Variants in CHSY3 observed in about 807,000 individuals in gnomAD.
CHSY3 encodes chondroitin sulfate synthase 3, also known as N-acetylgalactosaminyl-proteoglycan 3-beta-glucuronosyltransferase 3.
A neutral mutation model predicts 67.2 loss-of-function variants in CHSY3; 35 were observed. The ratio of observed to expected loss-of-function variants is 0.52; its 90% CI spans 0.40 to 0.69. The LOEUF (loss-of-function observed/expected upper bound fraction) is 0.69. CHSY3 is among the 30% of genes least tolerant of loss of function. The pLI is 0.00. For synonymous variants in CHSY3, 474 were observed against 434.7 expected (o/e 1.09, Z -1.12); for missense variants, 1,069 against 1,138.5 (o/e 0.94, Z 0.88).
At chr5:130,026,987 T>G (rs545992401) in intron 2 of CHSY3, among the ~76,000 whole-genome samples, 80 of 152,306 alleles carry the variant, frequency 5.3e-4, no homozygotes, top group African/African-American at 1.9e-3. Context: ...TGTCTTTTCC[T>G]GTGTTTACAG....
At chr5:130,170,399 A>G (rs918670537) in intron 2 of CHSY3, among the ~76,000 whole-genome samples, 6 of 152,088 alleles carry the variant, frequency 3.9e-5, no homozygotes, top group Admixed American at 2.6e-4. Context: ...ATGGACACTT[A>G]GGTTGATTCC....
chr5:130,118,722 G>A lies in CHSY3; in HGVS notation c.1087-65507G>A, dbSNP rs556383851. Among the ~76,000 whole-genome samples, 5 of 151,994 alleles carry A rather than the reference G, an allele frequency of 3.3e-5. No homozygotes were observed. In the East Asian group the frequency reaches 7.8e-4, roughly 24 times the overall value. The stretch of plus-strand genomic sequence containing the variant: ...AAGAATTTTGTCTTTTCTTTTAATG[G>A]AGGTGAAATTTTCTTCCTTAGATTA... On this transcript the variant is annotated intron_variant, in intron 2 of 2. Coordinates refer to ENST00000305031, the MANE Select transcript of CHSY3 (RefSeq NM_175856.5).
chr5:130,033,706 T>C (rs1764769186), intron 2 of CHSY3, among the ~76,000 whole-genome samples: 1 of 152,138 alleles, frequency 6.6e-6, no homozygotes, highest in Non-Finnish European at 1.5e-5. Context: ...AGAGTTTTTG[T>C]GCCTAGGCTG....
At chr5:130,121,508 G>A (rs1768022701) in intron 2 of CHSY3, among the ~76,000 whole-genome samples, 1 of 152,140 alleles carries the variant, frequency 6.6e-6, no homozygotes, top group African/African-American at 2.4e-5. Flanking sequence ...TTCTCCTGGA[G>A]CTTCCTTGTA....
chr5:130,034,385 A>AT (rs955616169), intron 2 of CHSY3, among the ~76,000 whole-genome samples: 1 of 152,144 alleles, frequency 6.6e-6, no homozygotes, highest in African/African-American at 2.4e-5. Flanking sequence ...ACAACTTCAC[A>AT]TTTTTAAAAA....
In CHSY3 at chr5:129,924,224, T is replaced by A. The variant is rs139155592; in HGVS notation, c.1086+15864T>A. Among the ~76,000 whole-genome samples the A allele has an allele frequency of 1.1e-4, 17 of 152,188 alleles. 1 individual carries two copies. Among genetic ancestry groups the A allele is most frequent in the Admixed American group, 1.1e-3 (17 of 15,294 alleles). ...CTTCCCCCAACCCCCTACTAACCACTCTTTTTTATATTTCCATAGTTTCTC... is the reference window on the plus strand; with the variant it reads ...CTTCCCCCAACCCCCTACTAACCACACTTTTTTATATTTCCATAGTTTCTC... On this transcript the variant is annotated intron_variant, in intron 2 of 2. Coordinates refer to ENST00000305031, the MANE Select transcript of CHSY3 (RefSeq NM_175856.5).
chr5:130,160,899 T>A (rs10477714), intron 2 of CHSY3, among the ~76,000 whole-genome samples: 121,968 of 144,498 alleles, frequency 0.84, 50,867 homozygotes, highest in Middle Eastern at 0.93. Flanking sequence ...TTATTTATTT[T>A]TTTTTTTTTA....
upstream of CHSY3, among the ~76,000 whole-genome samples, chr5:129,904,151 G>C (rs963516836): frequency 2.0e-4 from 31 of 152,172 alleles, no homozygotes; most frequent in African/African-American, 7.2e-4. Context: ...GGGCGGGACG[G>C]GACGGGAAAT....
chr5:130,124,123 G>A (rs1236189849), intron 2 of CHSY3, among the ~76,000 whole-genome samples: 4 of 151,062 alleles, frequency 2.6e-5, no homozygotes, highest in African/African-American at 9.7e-5. Context: ...ATATAATATA[G>A]GATTAAGAAA....
At chr5:129,933,737 C>T (rs1317155239) in intron 2 of CHSY3, among the ~76,000 whole-genome samples, 5 of 152,064 alleles carry the variant, frequency 3.3e-5, no homozygotes, top group Non-Finnish European at 7.4e-5. Flanking sequence ...ACTCATTTAA[C>T]ATTATCTCTA....
At chr5:130,027,488 A>G (rs568948179) in intron 2 of CHSY3, among the ~76,000 whole-genome samples, 80 of 152,160 alleles carry the variant, frequency 5.3e-4, no homozygotes, top group African/African-American at 1.9e-3. Context: ...TATTCTTATT[A>G]TACTTTAAGT....
chr5:129,985,828 A>C (rs958627467), intron 2 of CHSY3, among the ~76,000 whole-genome samples: 1 of 151,978 alleles, frequency 6.6e-6, no homozygotes, highest in Non-Finnish European at 1.5e-5. Context: ...CAGCTTGGAC[A>C]TTATTGGTAT....
chr5:129,963,990 C>T (rs1762405313), intron 2 of CHSY3, among the ~76,000 whole-genome samples: 1 of 151,868 alleles, frequency 6.6e-6, no homozygotes, highest in Non-Finnish European at 1.5e-5. Context: ...CATGGTAGTG[C>T]TCACTTTCTC....
rs1761298740 is a variant in CHSY3, at chr5:129,931,254, G to T, written c.1086+22894G>T. On this transcript the variant is annotated intron_variant, in intron 2 of 2. Transcript: ENST00000305031. ...ACTGACATCCTCATCTTGTTTCATG[G>T]ATCTCAGCTGATTGGAAGGGCTGAT... 2.6e-5 allele frequency among the ~76,000 whole-genome samples: 4 copies of T among 152,190 alleles called. No individual in the cohort carries two copies. The South Asian group carries it at 8.3e-4, about 32-fold the overall frequency.
At chr5:130,098,048 G>A (rs1372102671) in intron 2 of CHSY3, among the ~76,000 whole-genome samples, 1 of 151,948 alleles carries the variant, frequency 6.6e-6, no homozygotes, top group South Asian at 2.1e-4. Flanking sequence ...GGAAGATGCC[G>A]TGTATCCATT....
intron 2 of CHSY3, among the ~76,000 whole-genome samples, chr5:130,063,960 T>G (rs1279842415): frequency 2.0e-5 from 3 of 152,134 alleles, no homozygotes; most frequent in Non-Finnish European, 4.4e-5. Context: ...AACCATAGCA[T>G]GATAATTAGT....
chr5:130,165,978 A>G (rs1442856787), intron 2 of CHSY3, among the ~76,000 whole-genome samples: 2 of 152,270 alleles, frequency 1.3e-5, no homozygotes, highest in East Asian at 3.9e-4. Context: ...TTCTGTAAAC[A>G]GTATGTAAAA....
chr5:130,029,393 G>C (rs1349185578), intron 2 of CHSY3, among the ~76,000 whole-genome samples: 2 of 151,850 alleles, frequency 1.3e-5, no homozygotes, highest in African/African-American at 2.4e-5. Context: ...GAAAATTAAG[G>C]GTCTTTCACA....
intron 2 of CHSY3, among the ~76,000 whole-genome samples, chr5:129,976,379 A>G (rs1762806041): frequency 1.3e-5 from 2 of 152,110 alleles, no homozygotes; most frequent in Non-Finnish European, 2.9e-5. Flanking sequence ...TTAAAAAGAA[A>G]CCAGTTAATA....
Sources: allele counts gnomAD v4.1 joint callset (sites outside exome capture counted in the v4.1 genomes callset), GRCh38; gene constraint gnomAD v4.1.1; transcripts MANE v1.5; gene names NCBI Gene and HGNC (gene_info 2026-07-23, HGNC 2026-07-21).